The following GLDN variants were observed in gnomAD, a reference collection of about 807,000 sequenced individuals.
GLDN encodes the protein collomin.
In GLDN, 47 loss-of-function variants were observed where a neutral mutation model predicts 56.5. That is an observed-to-expected ratio of 0.83 (90% CI 0.66 to 1.06). The LOEUF is 1.06. Ranked by LOEUF, GLDN falls within the 50% of genes least tolerant of loss-of-function variation. The pLI, the probability that GLDN is intolerant of heterozygous loss-of-function variation, is 0.00. For synonymous variants in GLDN, 332 were observed against 278.8 expected (o/e 1.19, Z -1.90); for missense variants, 782 against 714.3 (o/e 1.09, Z -1.08).
At chr15:51,363,838 C>T (rs1208329541) in intron 1 of GLDN, among the ~76,000 whole-genome samples, 1 of 152,144 alleles carries the variant, frequency 6.6e-6, no homozygotes, top group Non-Finnish European at 1.5e-5. Context: ...TTTATTTTAC[C>T]TTTGCTTTTG....
At chr15:51,381,768 G>GTTTT in intron 2 of GLDN, among the ~76,000 whole-genome samples, 1 of 144,874 alleles carries the variant, frequency 6.9e-6, no homozygotes, top group East Asian at 2.0e-4. Flanking sequence ...ATCCCCTAGG[G>GTTTT]TTTTTTTTTT....
chr15:51,362,851 G>T (rs35754161), intron 1 of GLDN, among the ~76,000 whole-genome samples: 45,278 of 151,968 alleles, frequency 0.3, 7,547 homozygotes, highest in East Asian at 0.46. Context: ...AAGTGGATGG[G>T]GTAAAGATAT....
chr15:51,387,400 T>C (rs2037920973), intron 4 of GLDN, among the ~76,000 whole-genome samples: 2 of 152,104 alleles, frequency 1.3e-5, no homozygotes, highest in Non-Finnish European at 2.9e-5. Flanking sequence ...CGAGGTGCTC[T>C]GAGGTACAGT....
In GLDN at chr15:51,397,539, CT is replaced by C. The variant is rs1332942984; in HGVS notation, c.759del (p.Gly254GlufsTer50). 3 of 1,602,688 alleles carry C rather than the reference CT, an allele frequency of 1.9e-6. No individual in the cohort carries two copies. In the South Asian group the frequency reaches 3.4e-5, roughly 18 times the overall value. On this transcript the variant is annotated frameshift_variant, in exon 6 of 10. Coordinates refer to ENST00000335449, the MANE Select transcript of GLDN (RefSeq NM_181789.4). LOFTEE classifies it high-confidence loss of function. Reference sequence around the variant, plus strand: ...GGCCCTCCAGGTCCTCCAGGGCCCCCTGGAAGCAGAAGAGCCAAAGGCCCTC... The same window carrying C: ...GGCCCTCCAGGTCCTCCAGGGCCCCCGGAAGCAGAAGAGCCAAAGGCCCTC... ...PPGPPGPPGPPGSRRAKGPRQ... is the reference protein window; with the variant it reads ...PPGPPGPPGPXGSRRAKGPRQ...
At chr15:51,345,065 A>T (rs1186446174) in intron 1 of GLDN, among the ~76,000 whole-genome samples, 1 of 152,048 alleles carries the variant, frequency 6.6e-6, no homozygotes, top group Non-Finnish European at 1.5e-5. Flanking sequence ...GGAGAGAGAA[A>T]ATTTGACCCA....
At chr15:51,356,662 C>T (rs1370273739) in intron 1 of GLDN, among the ~76,000 whole-genome samples, 7 of 152,104 alleles carry the variant, frequency 4.6e-5, no homozygotes, top group Admixed American at 3.9e-4. Flanking sequence ...CCCCATCAGC[C>T]GTGTGACCTT....
chr15:51,370,723 G>T (rs930621568), intron 1 of GLDN, among the ~76,000 whole-genome samples: 3 of 152,162 alleles, frequency 2.0e-5, no homozygotes, highest in African/African-American at 7.2e-5. Flanking sequence ...CAGGTACAGT[G>T]GCTCACGCCT....
At position 51,382,040 on chromosome 15, in the gene GLDN, C is replaced by T. The variant is rs115468189; in HGVS notation, c.416-1396C>T. On this transcript the variant is annotated intron_variant, in intron 2 of 9. Transcript: ENST00000335449. ...CCTTCTTCAGCCTCATCTCTACACA[C>T]TTGGCCAGTCCTCTAACTTCCTCCC... Among the ~76,000 whole-genome samples the T allele has an allele frequency of 5.1e-3, 771 of 152,310 alleles. 7 individuals carry two copies. Among genetic ancestry groups the T allele is most frequent in the African/African-American group, 0.017 (726 of 41,564 alleles).
Position 51,401,578 on chromosome 15 carries a change from G to T in GLDN, c.1028-15G>T, listed in dbSNP as rs2038250360. ...GGAGGTAGGTAACAGCCTCTCCCTG[G>T]CTTCCCTCCTACAGGCATCATGGTT... is the stretch of plus-strand genomic sequence containing the variant. On this transcript the variant is annotated splice_polypyrimidine_tract_variant and intron_variant, in intron 8 of 9. Coordinates refer to ENST00000335449, the MANE Select transcript of GLDN (RefSeq NM_181789.4). The T allele has an allele frequency of 2.5e-6, 4 of 1,607,790 alleles. No homozygotes were observed. In the East Asian group the frequency reaches 6.7e-5, roughly 27 times the overall value.
At chr15:51,357,870 A>G (rs2141059547) in intron 1 of GLDN, among the ~76,000 whole-genome samples, 1 of 152,144 alleles carries the variant, frequency 6.6e-6, no homozygotes, top group African/African-American at 2.4e-5. Context: ...GGGAGGTGAA[A>G]ATCCAAAGAC....
intron 9 of GLDN, among the ~76,000 whole-genome samples, 183 bp from the exon 10 acceptor site, chr15:51,404,094 C>G (rs1196955893): frequency 6.6e-6 from 1 of 152,170 alleles, no homozygotes; most frequent in African/African-American, 2.4e-5. Context: ...TCTCTTACAG[C>G]CTCACTGCTC....
At chr15:51,361,669 A>G (rs553616791) in intron 1 of GLDN, among the ~76,000 whole-genome samples, 14 of 152,234 alleles carry the variant, frequency 9.2e-5, no homozygotes, top group Non-Finnish European at 2.1e-4. Context: ...ACATATATAT[A>G]TCCCTGTTCT....
chr15:51,409,069 T>C (rs1204898202), downstream of GLDN, among the ~76,000 whole-genome samples: 1 of 53,876 alleles, frequency 1.9e-5, no homozygotes, highest in Non-Finnish European at 3.6e-5. Flanking sequence ...GGGGCTGCTA[T>C]AAAGACCCTG....
At chr15:51,377,310 T>A in intron 1 of GLDN, 139 bp from the exon 2 acceptor site, 1 of 637,258 alleles carries the variant, frequency 1.6e-6, no homozygotes, top group Non-Finnish European at 2.8e-6. Context: ...GGGACATCAC[T>A]GCGTTTTCCT....
intron 1 of GLDN, chr15:51,369,225 T>C (rs1473769520): frequency 1.3e-5 from 2 of 152,246 alleles, no homozygotes; most frequent in Non-Finnish European, 2.9e-5. Context: ...TCTCAGCCAA[T>C]GGTAAGGTGA....
At chr15:51,392,940 C>G (rs1386682227) in intron 4 of GLDN, among the ~76,000 whole-genome samples, 2 of 152,164 alleles carry the variant, frequency 1.3e-5, no homozygotes, top group East Asian at 3.8e-4. Context: ...ATTGCACTGG[C>G]TAGGACCTCC....
intron 1 of GLDN, among the ~76,000 whole-genome samples, chr15:51,373,714 G>T (rs972051717): frequency 2.0e-5 from 3 of 152,222 alleles, no homozygotes; most frequent in Admixed American, 6.5e-5. Context: ...GATGGGCAGG[G>T]AGGGGGAGAG....
chr15:51,350,104 TG>T (rs1178091835), intron 1 of GLDN, among the ~76,000 whole-genome samples: 1 of 152,096 alleles, frequency 6.6e-6, no homozygotes, highest in African/African-American at 2.4e-5. Context: ...TGGTTAACTC[TG>T]GGGTCTAACA....
intron 6 of GLDN, among the ~76,000 whole-genome samples, chr15:51,399,799 T>C (rs1273182372): frequency 2.0e-5 from 3 of 152,212 alleles, no homozygotes; most frequent in African/African-American, 7.2e-5. Flanking sequence ...ATGAAAATCC[T>C]TCCAGAACAA....
Sources: gnomAD v4.1 joint callset for allele counts (sites outside exome capture counted in the v4.1 genomes callset) on GRCh38, gnomAD v4.1.1 for gene constraint, MANE v1.5 for transcripts, NCBI Gene and HGNC (gene_info 2026-07-23, HGNC 2026-07-21) for gene names.